The following SLC35D1 variants were observed in gnomAD, a reference collection of about 807,000 sequenced individuals.
The protein encoded by SLC35D1 is nucleotide sugar transporter SLC35D1.
A neutral mutation model predicts 46.7 loss-of-function variants in SLC35D1; 31 were observed. The observed-to-expected ratio is 0.66, with a 90% confidence interval of 0.50 to 0.90. The LOEUF is 0.90. SLC35D1 is among the 40% of genes least tolerant of loss of function. SLC35D1 has a pLI of 0.00. For missense variants in SLC35D1, 397 were observed against 426.2 expected, an observed-to-expected ratio of 0.93 and a Z score of 0.60; for synonymous variants, 195 against 164.6, an observed-to-expected ratio of 1.18 and a Z score of -1.41.
chr1:66,977,035 A>G, the SLC35D1 span, among the ~76,000 whole-genome samples: 1 of 152,194 alleles, frequency 6.6e-6, no homozygotes, highest in Non-Finnish European at 1.5e-5. Flanking sequence ...TTGAGAAGAA[A>G]TGGATCAGAA....
At chr1:67,004,868 A>T (rs12059957) in intron 11 of SLC35D1, among the ~76,000 whole-genome samples, 17,435 of 152,132 alleles carry the variant, frequency 0.11, 2,422 homozygotes, top group African/African-American at 0.34. Context: ...AGGCATTAAT[A>T]GGAAACATCC....
downstream of SLC35D1, among the ~76,000 whole-genome samples, chr1:66,994,864 AAAAAAT>A (rs1484559325): frequency 1.3e-5 from 2 of 151,784 alleles, no homozygotes; most frequent in Non-Finnish European, 2.9e-5. Flanking sequence ...TGCTTAATTA[AAAAAAT>A]GTTCCCAAAG....
At chr1:67,022,699 G>A (rs1295426833) in intron 8 of SLC35D1, among the ~76,000 whole-genome samples, 2 of 152,108 alleles carry the variant, frequency 1.3e-5, no homozygotes, top group Non-Finnish European at 2.9e-5. Context: ...CTTTGTTGAG[G>A]TAGAATACAT....
At chr1:66,986,351 C>T in the SLC35D1 span, 5 of 1,586,980 alleles carry the variant, frequency 3.2e-6, 1 homozygote, top group South Asian at 5.8e-5. Context: ...GATAGACCAA[C>T]CTATATCCAA....
rs143874640 is a variant in SLC35D1 at position 67,038,460 on chromosome 1, T to C, written c.729+3776A>G. On this transcript the variant is annotated intron_variant, in intron 8 of 11. Transcript: ENST00000235345. ...GTGAGATCTACAGCAAGTGGTCTGT[T>C]CTTCCATCTCTATGTAAGAACACCT... 4.0e-3 allele frequency among the ~76,000 whole-genome samples: 614 copies of C among 152,254 alleles called. 3 individuals carry two copies. The highest frequency in any genetic ancestry group is 0.02 in the Middle Eastern group (6 of 294).
the SLC35D1 span, among the ~76,000 whole-genome samples, chr1:66,976,059 C>T: frequency 6.6e-6 from 1 of 152,090 alleles, no homozygotes; most frequent in African/African-American, 2.4e-5. Flanking sequence ...GTGATCTCAG[C>T]TTAATGCAGC....
rs1014994414 is a variant in SLC35D1, at chr1:67,024,608, C to T, written c.730-3006G>A. On this transcript the variant is annotated intron_variant, in intron 8 of 11. Transcript: ENST00000235345. ...AACTGAGACACAATCTTTTTCTTGC[C>T]TCTCCCCTAGCTTCTAGTGGTTTGT... is the stretch of plus-strand genomic sequence containing the variant. Among the ~76,000 whole-genome samples the T allele has an allele frequency of 6.3e-4, 96 of 152,188 alleles. 1 individual carries two copies. The highest frequency in any genetic ancestry group is 3.4e-4 in the Non-Finnish European group (23 of 68,006).
the SLC35D1 span, chr1:66,981,744 CTTT>C: frequency 6.6e-7 from 1 of 1,520,734 alleles, no homozygotes; most frequent in South Asian, 1.3e-5. Context: ...ATTTTCAGCT[CTTT>C]TTAATATAAA....
At chr1:66,979,953 AGGGTTTCTCCAT>A in the SLC35D1 span, among the ~76,000 whole-genome samples, 1 of 151,492 alleles carries the variant, frequency 6.6e-6, no homozygotes, top group African/African-American at 2.4e-5. Context: ...TAGTAGAGAC[AGGGTTTCTCCAT>A]GTTGGTCAGG....
chr1:66,990,170 C>T, the SLC35D1 span, among the ~76,000 whole-genome samples: 1 of 152,194 alleles, frequency 6.6e-6, no homozygotes, highest in Non-Finnish European at 1.5e-5. Flanking sequence ...ATGAACTGCT[C>T]TGCTGTGTGG....
the SLC35D1 span, among the ~76,000 whole-genome samples, chr1:66,989,529 C>G: frequency 6.6e-6 from 1 of 152,226 alleles, no homozygotes; most frequent in Non-Finnish European, 1.5e-5. Flanking sequence ...GTGGCAAGAT[C>G]ATGGCTCACT....
At chr1:66,978,609 A>T in the SLC35D1 span, among the ~76,000 whole-genome samples, 3 of 152,234 alleles carry the variant, frequency 2.0e-5, no homozygotes, top group African/African-American at 7.2e-5. Context: ...CATGATTTTC[A>T]AGGTATTATA....
intron 1 of SLC35D1, 82 bp downstream of exon 1, chr1:67,053,729 C>G (rs1420358830): frequency 1.5e-6 from 2 of 1,294,426 alleles, no homozygotes; most frequent in African/African-American, 1.6e-5. Context: ...CTTTGGCAGT[C>G]AAAGTCCAGG....
intron 6 of SLC35D1, among the ~76,000 whole-genome samples, chr1:67,047,982 G>C (rs900641993): frequency 6.6e-6 from 1 of 152,258 alleles, no homozygotes; most frequent in Admixed American, 6.5e-5. Flanking sequence ...TACCAGGCAC[G>C]AGATAAGAAT....
chr1:67,044,296 G>A (rs889526246), intron 7 of SLC35D1, among the ~76,000 whole-genome samples: 3 of 147,388 alleles, frequency 2.0e-5, no homozygotes, highest in East Asian at 4.0e-4. Flanking sequence ...ATGTGCCACT[G>A]CACTCCAGGC....
At chr1:66,975,923 A>G in the SLC35D1 span, among the ~76,000 whole-genome samples, 969 of 152,314 alleles carry the variant, frequency 6.4e-3, 9 homozygotes, top group African/African-American at 0.022. Context: ...GTACTCTGTG[A>G]GTAAAAGTAT....
the SLC35D1 span, chr1:66,984,830 GTTC>G: frequency 5.0e-6 from 8 of 1,611,124 alleles, no homozygotes; most frequent in Non-Finnish European, 6.8e-6. Context: ...GAAAGTCCAG[GTTC>G]TTCTGAATTT....
In SLC35D1 at chr1:67,003,206, A is replaced by G. The variant is rs1667378744; in HGVS notation, c.*1134T>C. The G allele has an allele frequency of 6.6e-6, 1 of 152,354 alleles. No homozygotes were observed. The allele number at this position is 152,354 out of a possible 1,614,324, so 9.4% of individuals were successfully genotyped here. A position where few individuals can be genotyped will look rare whatever the true frequency, so the allele number is the denominator to read the frequency against. ...AACCAGCCTTTCCCCTCAAACCAAT[A>G]AATTCAGAAATGTGGGACCTCATCA... On this transcript the variant is annotated 3_prime_UTR_variant, in exon 12 of 12. Coordinates refer to ENST00000235345, the MANE Select transcript of SLC35D1 (RefSeq NM_015139.3).
chr1:66,997,502 TA>T (rs767972425), downstream of SLC35D1, among the ~76,000 whole-genome samples: 5 of 80,066 alleles, frequency 6.2e-5, no homozygotes, highest in African/African-American at 2.0e-4. Flanking sequence ...GACCCTGTGT[TA>T]AAAAAAAAAA....
Sources: gnomAD v4.1 joint callset for allele counts (sites outside exome capture counted in the v4.1 genomes callset) on GRCh38, gnomAD v4.1.1 for gene constraint, MANE v1.5 for transcripts, NCBI Gene and HGNC (gene_info 2026-07-23, HGNC 2026-07-21) for gene names.